The following ZCWPW2 variants were observed in gnomAD, a reference collection of about 807,000 sequenced individuals.
The protein encoded by ZCWPW2 is zinc finger CW-type and PWWP domain containing 2, also known as zinc finger CW-type PWWP domain protein 2.
In ZCWPW2, 45 loss-of-function variants were observed where a neutral mutation model predicts 46.6. The ratio of observed to expected loss-of-function variants is 0.96; its 90% CI spans 0.76 to 1.24. The LOEUF (loss-of-function observed/expected upper bound fraction) is 1.24. Among genes scored for constraint, ZCWPW2 ranks in the 50% most tolerant of loss-of-function variants. The pLI is 0.00. For missense variants in ZCWPW2, 429 were observed against 403.9 expected, an observed-to-expected ratio of 1.06 and a Z score of -0.53; for synonymous variants, 152 against 137.1, an observed-to-expected ratio of 1.11 and a Z score of -0.76.
intron 1 of ZCWPW2, among the ~76,000 whole-genome samples, chr3:28,371,755 A>G (rs1034306380): frequency 7.9e-5 from 12 of 152,260 alleles, no homozygotes; most frequent in African/African-American, 2.9e-4. Context: ...TTCTTTGCTA[A>G]GACTGGGCTG....
At chr3:28,408,943 C>T (rs1339524919) in intron 2 of ZCWPW2, among the ~76,000 whole-genome samples, 2 of 151,946 alleles carry the variant, frequency 1.3e-5, no homozygotes, top group Non-Finnish European at 2.9e-5. Context: ...GATTCATATG[C>T]ACATATGTGA....
intron 5 of ZCWPW2, among the ~76,000 whole-genome samples, chr3:28,489,485 T>C (rs1284643311): frequency 6.6e-6 from 1 of 152,060 alleles, no homozygotes; most frequent in Non-Finnish European, 1.5e-5. Flanking sequence ...TATTTTATTA[T>C]TACTCATCAA....
intron 8 of ZCWPW2, among the ~76,000 whole-genome samples, chr3:28,517,033 T>G (rs1008076979): frequency 6.6e-6 from 1 of 152,150 alleles, no homozygotes; most frequent in African/African-American, 2.4e-5. Flanking sequence ...ATAACTTCTT[T>G]TTTTACATCC....
chr3:28,435,407 G>A (rs1697440367), intron 4 of ZCWPW2, 138 bp downstream of exon 4: 1 of 707,020 alleles, frequency 1.4e-6, no homozygotes, highest in Non-Finnish European at 2.0e-6. Flanking sequence ...TCAAATATTT[G>A]TATTTTTAGT....
At chr3:28,369,945 A>G (rs1165763736) in intron 1 of ZCWPW2, among the ~76,000 whole-genome samples, 2 of 152,072 alleles carry the variant, frequency 1.3e-5, no homozygotes, top group Non-Finnish European at 2.9e-5. Context: ...TGGGTGTAGG[A>G]CCCTCCGAGC....
chr3:28,448,106 AAATT>A (rs1289468085), intron 4 of ZCWPW2: 4 of 211,730 alleles, frequency 1.9e-5, no homozygotes, highest in Non-Finnish European at 3.9e-5. Context: ...AGGGTAATAA[AAATT>A]AAAAGGCTTA....
chr3:28,401,194 A>T (rs978154801), intron 2 of ZCWPW2, among the ~76,000 whole-genome samples: 11 of 152,218 alleles, frequency 7.2e-5, no homozygotes, highest in African/African-American at 2.6e-4. Flanking sequence ...AAAACAAACA[A>T]AAAAGACAAA....
intron 6 of ZCWPW2, among the ~76,000 whole-genome samples, chr3:28,502,692 A>G (rs899412385): frequency 6.6e-6 from 1 of 152,136 alleles, no homozygotes; most frequent in Non-Finnish European, 1.5e-5. Context: ...ACTAGCTATA[A>G]GGGGAAGTTT....
At chr3:28,426,671 T>G (rs1285494465) in intron 3 of ZCWPW2, among the ~76,000 whole-genome samples, 1 of 152,198 alleles carries the variant, frequency 6.6e-6, no homozygotes, top group Non-Finnish European at 1.5e-5. Flanking sequence ...AAGGAAAACT[T>G]CCCTTTTCCA....
intron 1 of ZCWPW2, among the ~76,000 whole-genome samples, chr3:28,381,979 A>G (rs1401987092): frequency 6.6e-6 from 1 of 152,034 alleles, no homozygotes; most frequent in East Asian, 1.9e-4. Context: ...CCAGACCAAC[A>G]TGGAGAAGCC....
intron 4 of ZCWPW2, among the ~76,000 whole-genome samples, chr3:28,464,596 G>T (rs537305140): frequency 3.9e-5 from 6 of 152,202 alleles, no homozygotes; most frequent in Admixed American, 6.5e-5. Context: ...TATATTTTCT[G>T]CAATTTCTTT....
intron 4 of ZCWPW2, among the ~76,000 whole-genome samples, chr3:28,436,264 A>G (rs999144895): frequency 2.0e-5 from 3 of 152,020 alleles, no homozygotes; most frequent in African/African-American, 7.2e-5. Flanking sequence ...AAACTTGATA[A>G]AAAGTGGATG....
Position 28,472,451 on chromosome 3 carries a change from G to C in ZCWPW2, c.493-6363G>C, listed in dbSNP as rs116561940. ...CTACAATGAGCTCATTTTTAACAAA[G>C]GTGCCAACAACATACATTAGGAAAA... On this transcript the variant is annotated intron_variant, in intron 4 of 9. Transcript: ENST00000383768. Among the ~76,000 whole-genome samples, 1,151 of 152,136 alleles carry C rather than the reference G, an allele frequency of 7.6e-3. 30 individuals carry two copies. The highest frequency in any genetic ancestry group is 0.026 in the African/African-American group (1,090 of 41,500).
At chr3:28,350,378 T>G (rs1034266784) in intron 1 of ZCWPW2, among the ~76,000 whole-genome samples, 2 of 152,242 alleles carry the variant, frequency 1.3e-5, no homozygotes, top group Non-Finnish European at 2.9e-5. Flanking sequence ...TTTTTATCTT[T>G]TCTTTCTGAG....
At chr3:28,468,736 G>A (rs780025225) in intron 4 of ZCWPW2, among the ~76,000 whole-genome samples, 13 of 152,108 alleles carry the variant, frequency 8.5e-5, no homozygotes, top group Non-Finnish European at 1.6e-4. Flanking sequence ...CTTCAAACAT[G>A]CAGGAGAAAT....
intron 6 of ZCWPW2, among the ~76,000 whole-genome samples, chr3:28,509,220 T>A (rs1270763086): frequency 6.6e-6 from 1 of 152,180 alleles, no homozygotes; most frequent in Non-Finnish European, 1.5e-5. Context: ...TATACGACAC[T>A]TTATCCATTG....
chr3:28,359,861 A>C (rs1001928051), intron 1 of ZCWPW2, among the ~76,000 whole-genome samples: 1 of 152,150 alleles, frequency 6.6e-6, no homozygotes, highest in Non-Finnish European at 1.5e-5. Context: ...TAAACTTTTG[A>C]AACCTTAAAT....
At chr3:28,387,898 C>T (rs1169929062) in intron 1 of ZCWPW2, among the ~76,000 whole-genome samples, 2 of 152,116 alleles carry the variant, frequency 1.3e-5, no homozygotes, top group Non-Finnish European at 2.9e-5. Flanking sequence ...GGCATTTTCA[C>T]TTACCTTCTT....
At chr3:28,431,874 C>T (rs1169718373) in intron 3 of ZCWPW2, among the ~76,000 whole-genome samples, 1 of 152,130 alleles carries the variant, frequency 6.6e-6, no homozygotes, top group African/African-American at 2.4e-5. Flanking sequence ...ACTCACAGTT[C>T]AGCATGGCTG....
Sources: allele counts gnomAD v4.1 joint callset (sites outside exome capture counted in the v4.1 genomes callset), GRCh38; gene constraint gnomAD v4.1.1; transcripts MANE v1.5; gene names NCBI Gene and HGNC (gene_info 2026-07-23, HGNC 2026-07-21).